Variants in MTA3 observed in about 807,000 individuals in gnomAD.
MTA3 encodes the protein metastasis associated 1 family member 3.
A neutral mutation model predicts 83.5 loss-of-function variants in MTA3; 34 were observed. That is an observed-to-expected ratio of 0.41 (90% CI 0.31 to 0.54). The LOEUF (loss-of-function observed/expected upper bound fraction) is 0.54, where lower values mean the gene tolerates loss of function less well. MTA3 is among the 20% of genes least tolerant of loss of function. The pLI is 0.33. For missense variants in MTA3, 761 were observed against 726.4 expected (o/e 1.05, Z -0.55); for synonymous variants, 303 against 252.7 (o/e 1.20, Z -1.89).
intron 4 of MTA3, among the ~76,000 whole-genome samples, chr2:42,615,501 A>G (rs930147174): frequency 5.3e-5 from 8 of 151,194 alleles, no homozygotes; most frequent in Admixed American, 1.3e-4. Context: ...GACTACAGGC[A>G]TGCGCCAGCG....
intron 2 of MTA3, among the ~76,000 whole-genome samples, chr2:42,534,429 C>G (rs1473761763): frequency 6.6e-6 from 1 of 152,114 alleles, no homozygotes; most frequent in Non-Finnish European, 1.5e-5. Context: ...AACCCCGTCT[C>G]TACTAAAAAT....
chr2:42,593,320 C>T (rs1256901551), intron 3 of MTA3, among the ~76,000 whole-genome samples: 1 of 148,080 alleles, frequency 6.8e-6, no homozygotes, highest in Non-Finnish European at 1.5e-5. Flanking sequence ...TACTGCACTC[C>T]AGCCTGGGTG....
intron 2 of MTA3, among the ~76,000 whole-genome samples, chr2:42,553,168 G>C (rs1052144900): frequency 2.0e-5 from 3 of 151,818 alleles, no homozygotes; most frequent in African/African-American, 7.3e-5. Flanking sequence ...GCTCAAGCCT[G>C]TAATCCCAGC....
intron 1 of MTA3, chr2:42,570,020 C>T (rs992924402): frequency 2.0e-5 from 3 of 151,152 alleles, no homozygotes; most frequent in African/African-American, 7.4e-5. Context: ...TCTCCCTGCT[C>T]TGAATGTGTC....
At chr2:42,531,297 C>A (rs1675953798) in intron 2 of MTA3, among the ~76,000 whole-genome samples, 1 of 152,038 alleles carries the variant, frequency 6.6e-6, no homozygotes, top group African/African-American at 2.4e-5. Flanking sequence ...CAGACAATGG[C>A]CTAAGACAAA....
At chr2:42,559,090 T>C (rs1042838877) in intron 2 of MTA3, among the ~76,000 whole-genome samples, 1 of 152,186 alleles carries the variant, frequency 6.6e-6, no homozygotes, top group Non-Finnish European at 1.5e-5. Flanking sequence ...GTCTATGTGG[T>C]GGTGACTCCC....
In MTA3 at chr2:42,708,660, G is replaced by C. The variant is rs148645562; in HGVS notation, c.1303-214G>C. Among the ~76,000 whole-genome samples, 96 of 152,232 alleles carry C rather than the reference G, an allele frequency of 6.3e-4. 1 individual carries two copies. Among genetic ancestry groups the C allele is most frequent in the African/African-American group, 2.1e-3 (86 of 41,536 alleles). On this transcript the variant is annotated intron_variant, in intron 13 of 16. Coordinates refer to ENST00000405094, the MANE Select transcript of MTA3 (RefSeq NM_001330442.2). ...TGTGATTTTGGATTCCTGTATAGCA[G>C]TACAGTATTCTCCACAGTTCCCTTC...
chr2:42,521,757 T>C (rs1456591874), intron 2 of MTA3, among the ~76,000 whole-genome samples: 11 of 146,140 alleles, frequency 7.5e-5, no homozygotes, highest in Middle Eastern at 3.2e-3. Flanking sequence ...CTCTCTTTTT[T>C]TTTTTTTTTT....
At chr2:42,748,715 A>G (rs1314968542) in intron 16 of MTA3, among the ~76,000 whole-genome samples, 1 of 151,956 alleles carries the variant, frequency 6.6e-6, no homozygotes, top group Non-Finnish European at 1.5e-5. Flanking sequence ...TACGGGTTGC[A>G]TTTTCTTGTT....
At chr2:42,552,185 G>A (rs1364090510) in intron 2 of MTA3, among the ~76,000 whole-genome samples, 4 of 152,142 alleles carry the variant, frequency 2.6e-5, no homozygotes, top group Non-Finnish European at 5.9e-5. Context: ...AATTGCAAAG[G>A]CCCTGAGACT....
chr2:42,745,824 C>CTATTTTTTTTTTTTTTTTTTTT (rs1553401666), intron 16 of MTA3, among the ~76,000 whole-genome samples: 1 of 119,372 alleles, frequency 8.4e-6, no homozygotes, highest in Non-Finnish European at 1.7e-5. Context: ...AAATAGTCCT[C>CTATTTTTTTTTTTTTTTTTTTT]TTTTTTTTGA....
At chr2:42,605,872 G>A (rs1441314823) in intron 3 of MTA3, among the ~76,000 whole-genome samples, 2 of 129,058 alleles carry the variant, frequency 1.5e-5, no homozygotes, top group Non-Finnish European at 3.4e-5. Flanking sequence ...TGGACGGGGC[G>A]GTTGGCCGGG....
At chr2:42,514,180 T>G (rs1180314361) in intron 2 of MTA3, among the ~76,000 whole-genome samples, 1 of 151,722 alleles carries the variant, frequency 6.6e-6, no homozygotes, top group Non-Finnish European at 1.5e-5. Flanking sequence ...GCCACTGCAC[T>G]CCAAGCTGGG....
At chr2:42,751,814 C>G (rs1359258044) in intron 16 of MTA3, among the ~76,000 whole-genome samples, 3 of 152,158 alleles carry the variant, frequency 2.0e-5, no homozygotes, top group Non-Finnish European at 4.4e-5. Flanking sequence ...AATGACAGAG[C>G]TCCTGCTCCA....
chr2:42,693,624 G>A (rs1030789490), intron 9 of MTA3, among the ~76,000 whole-genome samples: 2 of 151,950 alleles, frequency 1.3e-5, no homozygotes, highest in African/African-American at 2.4e-5. Context: ...AATGCTGTCC[G>A]GCCTGGGATC....
chr2:42,603,386 T>C (rs1398246750), intron 3 of MTA3, among the ~76,000 whole-genome samples: 1 of 152,172 alleles, frequency 6.6e-6, no homozygotes, highest in African/African-American at 2.4e-5. Context: ...TTAAAATTGA[T>C]AGCAAGTGAA....
chr2:42,615,711 CTTTTTTTTTTTT>C (rs35331224), intron 4 of MTA3, among the ~76,000 whole-genome samples: 8 of 59,808 alleles, frequency 1.3e-4, no homozygotes, highest in South Asian at 1.6e-3. Flanking sequence ...ATAATCTCTT[CTTTTTTTTTTTT>C]TTTTTTTTTT....
chr2:42,619,663 T>C (rs1310464537), intron 4 of MTA3, among the ~76,000 whole-genome samples: 24 of 152,246 alleles, frequency 1.6e-4, no homozygotes, highest in Admixed American at 1.4e-3. Context: ...AATTGAGAAG[T>C]TGATTCAAAA....
intron 16 of MTA3, among the ~76,000 whole-genome samples, chr2:42,750,730 T>G (rs6544595): frequency 0.71 from 107,775 of 152,048 alleles, 39,109 homozygotes; most frequent in African/African-American, 0.86. Flanking sequence ...CTCTCTGTTA[T>G]AATTGTAGCC....
Sources: allele counts gnomAD v4.1 joint callset (sites outside exome capture counted in the v4.1 genomes callset), GRCh38; gene constraint gnomAD v4.1.1; transcripts MANE v1.5; gene names NCBI Gene and HGNC (gene_info 2026-07-23, HGNC 2026-07-21).